Variants in GNB4 observed in about 807,000 individuals in gnomAD.
GNB4 encodes guanine nucleotide-binding protein subunit beta-4.
Under a neutral mutation model 45.2 loss-of-function variants are expected in GNB4, and 28 were observed. The observed-to-expected ratio is 0.62, with a 90% CI of 0.46 to 0.85. GNB4 has a LOEUF of 0.85. Ranked by LOEUF, GNB4 falls within the 40% of genes least tolerant of loss-of-function variation. The pLI is 0.00. For synonymous variants in GNB4, 132 were observed against 143.7 expected, an observed-to-expected ratio of 0.92 and a Z score of 0.58; for missense variants, 321 against 425.4, an observed-to-expected ratio of 0.75 and a Z score of 2.16.
chr3:179,488,113 G>A, the GNB4 span, among the ~76,000 whole-genome samples: 3 of 151,642 alleles, frequency 2.0e-5, no homozygotes, highest in African/African-American at 7.3e-5. Flanking sequence ...TGATCCTCCT[G>A]TTCCAAAAGC....
the GNB4 span, among the ~76,000 whole-genome samples, chr3:179,498,646 G>A: frequency 6.6e-6 from 1 of 152,024 alleles, no homozygotes; most frequent in South Asian, 2.1e-4. Context: ...TGTTGGTCAG[G>A]CTGGTCTGGA....
intron 1 of GNB4, among the ~76,000 whole-genome samples, chr3:179,444,282 T>A (rs1715664503): frequency 6.6e-6 from 1 of 152,168 alleles, no homozygotes; most frequent in South Asian, 2.1e-4. Context: ...ATGAACCAAA[T>A]GAAATCTCCT....
chr3:179,517,128 C>T, the GNB4 span, among the ~76,000 whole-genome samples: 2 of 152,192 alleles, frequency 1.3e-5, no homozygotes, highest in African/African-American at 4.8e-5. Flanking sequence ...ACATACACAT[C>T]CAGATGGCCG....
the GNB4 span, among the ~76,000 whole-genome samples, chr3:179,527,790 ATGTGTGTGTGTGTGTGTG>A: frequency 3.9e-3 from 550 of 142,446 alleles, 3 homozygotes; most frequent in African/African-American, 0.014. Context: ...GTGTGTATGT[ATGTGTGTGTGTGTGTGTG>A]TGTGTGTGTG....
chr3:179,521,500 C>T, the GNB4 span, among the ~76,000 whole-genome samples: 2 of 152,180 alleles, frequency 1.3e-5, no homozygotes, highest in East Asian at 3.9e-4. Flanking sequence ...GACTGCACCC[C>T]AAAAAAACTT....
the GNB4 span, among the ~76,000 whole-genome samples, chr3:179,475,503 TCA>T: frequency 6.6e-6 from 1 of 152,020 alleles, no homozygotes; most frequent in Non-Finnish European, 1.5e-5. Flanking sequence ...AGACAGAGTC[TCA>T]GTCTCTCACC....
At chr3:179,520,449 T>C in the GNB4 span, among the ~76,000 whole-genome samples, 1 of 152,134 alleles carries the variant, frequency 6.6e-6, no homozygotes, top group Non-Finnish European at 1.5e-5. Flanking sequence ...GCCCTATAGC[T>C]TTTTTATCCA....
At chr3:179,511,131 A>T in the GNB4 span, among the ~76,000 whole-genome samples, 1 of 152,140 alleles carries the variant, frequency 6.6e-6, no homozygotes, top group African/African-American at 2.4e-5. Flanking sequence ...TGGCCACATC[A>T]CCATGTTCCA....
At chr3:179,511,859 T>C in the GNB4 span, among the ~76,000 whole-genome samples, 1 of 152,130 alleles carries the variant, frequency 6.6e-6, no homozygotes, top group Non-Finnish European at 1.5e-5. Context: ...TGCTGTCCAG[T>C]AGAATTTTTC....
chr3:179,494,680 C>T, the GNB4 span, among the ~76,000 whole-genome samples: 8 of 151,618 alleles, frequency 5.3e-5, no homozygotes, highest in East Asian at 1.9e-4. Context: ...GAGGCCGAGG[C>T]GGGCAGATCA....
Position 179,415,144 on chromosome 3 carries a change from A to G in GNB4, c.268-97T>C, listed in dbSNP as rs974494427. On this transcript the variant is annotated intron_variant, in intron 5 of 9. Coordinates refer to ENST00000232564, the MANE Select transcript of GNB4 (RefSeq NM_021629.4). ...AAGTAAATATTATTAAAAATTAAAC[A>G]CATCTAAGAAAGATAAGTCAAATAA... 6.6e-6 allele frequency: 6 copies of G among 912,862 alleles called. No individual in the cohort carries two copies. In the African/African-American group the frequency reaches 8.5e-5, roughly 13 times the overall value. The allele number at this position is 912,862 out of a possible 1,614,324, so 56.5% of individuals were successfully genotyped here.
the GNB4 span, among the ~76,000 whole-genome samples, chr3:179,516,695 C>G: frequency 2.6e-5 from 4 of 152,122 alleles, no homozygotes; most frequent in Non-Finnish European, 2.9e-5. Flanking sequence ...TAGAATGGGC[C>G]TGTGAGGCTG....
intron 5 of GNB4, among the ~76,000 whole-genome samples, chr3:179,415,843 T>G (rs1714784578): frequency 6.6e-6 from 1 of 152,200 alleles, no homozygotes; most frequent in African/African-American, 2.4e-5. Flanking sequence ...TTAGCTAGCT[T>G]TAAAATCTCA....
At chr3:179,420,678 A>G (rs1328404014) in intron 3 of GNB4, among the ~76,000 whole-genome samples, 1 of 151,902 alleles carries the variant, frequency 6.6e-6, no homozygotes, top group East Asian at 1.9e-4. Flanking sequence ...TTTTTATAGC[A>G]TTTATTTTTC....
the GNB4 span, among the ~76,000 whole-genome samples, chr3:179,489,611 A>G: frequency 2.0e-5 from 3 of 152,216 alleles, no homozygotes; most frequent in Non-Finnish European, 4.4e-5. Flanking sequence ...ACTCTATTCT[A>G]GCCTGGGTGA....
chr3:179,432,692 T>G (rs1376876224), intron 1 of GNB4, among the ~76,000 whole-genome samples: 1 of 152,198 alleles, frequency 6.6e-6, no homozygotes, highest in African/African-American at 2.4e-5. Flanking sequence ...ACATCAGGTA[T>G]AGTTTAGTAA....
At chr3:179,483,129 AT>A in the GNB4 span, among the ~76,000 whole-genome samples, 3 of 151,868 alleles carry the variant, frequency 2.0e-5, no homozygotes, top group East Asian at 1.9e-4. Context: ...CAATTTAATT[AT>A]TTTTTTCTTT....
chr3:179,465,701 G>A, the GNB4 span, among the ~76,000 whole-genome samples: 1 of 152,028 alleles, frequency 6.6e-6, no homozygotes, highest in East Asian at 1.9e-4. Flanking sequence ...ATGACTCCTA[G>A]TTGTGACCTA....
chr3:179,446,513 C>T (rs1715729652), intron 1 of GNB4, among the ~76,000 whole-genome samples: 2 of 152,142 alleles, frequency 1.3e-5, no homozygotes. Context: ...ATCTGTGGCT[C>T]ATTTTCTTTT....
Sources: gnomAD v4.1 joint callset for allele counts (sites outside exome capture counted in the v4.1 genomes callset) on GRCh38, gnomAD v4.1.1 for gene constraint, MANE v1.5 for transcripts, NCBI Gene and HGNC (gene_info 2026-07-23, HGNC 2026-07-21) for gene names.